The following DLG1 variants were observed in gnomAD, a reference collection of about 807,000 sequenced individuals.
The protein encoded by DLG1 is discs large MAGUK scaffold protein 1, also known as disks large homolog 1.
A neutral mutation model predicts 123.4 loss-of-function variants in DLG1; 42 were observed. The ratio of observed to expected loss-of-function variants is 0.34; its 90% CI spans 0.27 to 0.44. The LOEUF (loss-of-function observed/expected upper bound fraction) is 0.44, where lower values mean the gene tolerates loss of function less well. Ranked by LOEUF, DLG1 falls within the 20% of genes least tolerant of loss-of-function variation. The probability of loss-of-function intolerance (pLI) is 1.00; values close to 1 mark genes in which losing one functional copy is unlikely to be tolerated. For missense variants in DLG1, 942 were observed against 1,082.6 expected (o/e 0.87, Z 1.82); for synonymous variants, 317 against 356.2 (o/e 0.89, Z 1.24).
intron 4 of DLG1, among the ~76,000 whole-genome samples, chr3:197,234,228 C>T (rs778166549): frequency 2.0e-5 from 3 of 152,194 alleles, no homozygotes; most frequent in Non-Finnish European, 2.9e-5. Flanking sequence ...TTATTTTTAA[C>T]GAGCTCCCTG....
chr3:197,216,955 G>A (rs959231633), intron 4 of DLG1, among the ~76,000 whole-genome samples: 2 of 152,176 alleles, frequency 1.3e-5, no homozygotes, highest in Non-Finnish European at 1.5e-5. Context: ...TGACAATGGC[G>A]AATTTAATTG....
At chr3:197,107,461 C>T (rs1294301532) in intron 13 of DLG1, among the ~76,000 whole-genome samples, 5 of 152,094 alleles carry the variant, frequency 3.3e-5, no homozygotes, top group South Asian at 2.1e-4. Context: ...AGGAGAATGG[C>T]GTGAAGCTGG....
At chr3:197,171,276 C>T (rs1018826595) in intron 5 of DLG1, among the ~76,000 whole-genome samples, 1 of 152,082 alleles carries the variant, frequency 6.6e-6, no homozygotes, top group African/African-American at 2.4e-5. Flanking sequence ...GGCCCAGTAC[C>T]TTCAGAAAAA....
intron 5 of DLG1, among the ~76,000 whole-genome samples, chr3:197,160,635 G>C (rs957284420): frequency 6.6e-6 from 1 of 152,066 alleles, no homozygotes; most frequent in East Asian, 1.9e-4. Context: ...ATTACAGTAA[G>C]GCTGAAGTCA....
At chr3:197,227,144 GTAC>G (rs1351837404) in intron 4 of DLG1, among the ~76,000 whole-genome samples, 1 of 152,094 alleles carries the variant, frequency 6.6e-6, no homozygotes, top group Non-Finnish European at 1.5e-5. Context: ...GTTGTTCTAA[GTAC>G]TACATCTATA....
At chr3:197,279,495 T>G (rs1184677702) in intron 4 of DLG1, among the ~76,000 whole-genome samples, 2 of 152,216 alleles carry the variant, frequency 1.3e-5, no homozygotes, top group Non-Finnish European at 2.9e-5. Context: ...TTTCAAACAT[T>G]ACTACAGCAT....
intron 5 of DLG1, among the ~76,000 whole-genome samples, chr3:197,177,449 T>C (rs944247004): frequency 2.0e-5 from 3 of 152,178 alleles, no homozygotes; most frequent in Non-Finnish European, 4.4e-5. Context: ...AACAATTCCA[T>C]TCCTTGGAGA....
At chr3:197,103,554 C>A (rs890645223) in intron 14 of DLG1, among the ~76,000 whole-genome samples, 3 of 151,622 alleles carry the variant, frequency 2.0e-5, no homozygotes, top group Non-Finnish European at 4.4e-5. Context: ...TGACTTCATA[C>A]GTTAGTCTCT....
intron 14 of DLG1, among the ~76,000 whole-genome samples, chr3:197,099,128 C>T (rs115120931): frequency 0.015 from 2,344 of 152,268 alleles, 60 homozygotes; most frequent in African/African-American, 0.053. Flanking sequence ...TGCAGTGGCA[C>T]GATCATGGCT....
chr3:197,296,261 C>T, intron 3 of DLG1, 85 bp downstream of exon 3: 1 of 1,323,534 alleles, frequency 7.6e-7, no homozygotes, highest in Non-Finnish European at 1.1e-6. Flanking sequence ...GAATTAAGTA[C>T]ATCATTTTCT....
intron 5 of DLG1, among the ~76,000 whole-genome samples, chr3:197,189,324 T>C (rs1285899255): frequency 1.3e-5 from 2 of 152,228 alleles, no homozygotes; most frequent in Non-Finnish European, 2.9e-5. Flanking sequence ...TTTAAAGTTT[T>C]TAAAGTTTAA....
intron 17 of DLG1, among the ~76,000 whole-genome samples, chr3:197,078,101 C>A (rs1441943994): frequency 6.8e-6 from 1 of 146,824 alleles, no homozygotes; most frequent in African/African-American, 2.5e-5. Flanking sequence ...CGCTTGAGGC[C>A]AGGAGTTCAA....
At chr3:197,205,458 C>T (rs1482501462) in intron 4 of DLG1, among the ~76,000 whole-genome samples, 1 of 152,002 alleles carries the variant, frequency 6.6e-6, no homozygotes, top group African/African-American at 2.4e-5. Context: ...AGAATACATT[C>T]CAAAAATGTC....
At chr3:197,178,717 C>A (rs1035703704) in intron 5 of DLG1, among the ~76,000 whole-genome samples, 3 of 152,064 alleles carry the variant, frequency 2.0e-5, no homozygotes, top group Non-Finnish European at 4.4e-5. Context: ...GCAGTACTAT[C>A]CACGAGTCAA....
chr3:197,137,971 C>CA (rs1164880842), intron 9 of DLG1, among the ~76,000 whole-genome samples: 12 of 74,786 alleles, frequency 1.6e-4, no homozygotes, highest in African/African-American at 4.1e-4. Flanking sequence ...AACCCTGCCT[C>CA]AAAAAAACAA....
rs1234872527 is a variant in DLG1 at position 197,210,110 on chromosome 3, T to C, written c.319-15521A>G. Among the ~76,000 whole-genome samples the C allele has an allele frequency of 2.7e-5, 4 of 146,308 alleles. 2 individuals are homozygous for C. The highest frequency in any genetic ancestry group is 5.1e-4 in the South Asian group (2 of 3,922). The stretch of plus-strand genomic sequence containing the variant: ...CAGTGAGTTCTGTGAGTCCTTCCAG[T>C]AAATTACTGAACCTGAGGGTTCTGA... On this transcript the variant is annotated intron_variant, in intron 4 of 24. Coordinates refer to ENST00000667157, the MANE Select transcript of DLG1 (RefSeq NM_001366207.1).
Position 197,043,132 on chromosome 3 carries a change from A to G in DLG1, c.*1491T>C, listed in dbSNP as rs1443759452. 1 of 152,222 alleles carries G rather than the reference A, an allele frequency of 6.6e-6. No individual in the cohort carries two copies. The highest frequency in any genetic ancestry group is 1.5e-5 in the Non-Finnish European group (1 of 68,038). The allele number at this position is 152,222 out of a possible 1,614,324, so 9.4% of individuals were successfully genotyped here. ...AGGACCAGAGAAACTGATTTGTGAA[A>G]TAATTTCTACCTTTCACTAACATTT... is the stretch of plus-strand genomic sequence containing the variant. On this transcript the variant is annotated 3_prime_UTR_variant, in exon 25 of 25. Coordinates refer to ENST00000667157, the MANE Select transcript of DLG1 (RefSeq NM_001366207.1).
chr3:197,272,783 G>A (rs892579371), intron 4 of DLG1, among the ~76,000 whole-genome samples: 2 of 152,156 alleles, frequency 1.3e-5, no homozygotes, highest in East Asian at 1.9e-4. Context: ...TTAAAAGAAC[G>A]CAAAACTAAT....
intron 14 of DLG1, among the ~76,000 whole-genome samples, chr3:197,101,253 T>C (rs1424699090): frequency 1.3e-5 from 2 of 152,232 alleles, no homozygotes; most frequent in South Asian, 2.1e-4. Context: ...GAAGAGCTTA[T>C]TCAACTACAA....
Sources: allele counts gnomAD v4.1 joint callset (sites outside exome capture counted in the v4.1 genomes callset), GRCh38; gene constraint gnomAD v4.1.1; transcripts MANE v1.5; gene names NCBI Gene and HGNC (gene_info 2026-07-23, HGNC 2026-07-21).